Variants in MGMT observed in about 807,000 individuals in gnomAD.
The protein encoded by MGMT is O-6-methylguanine-DNA methyltransferase, also known as methylated-DNA--protein-cysteine methyltransferase.
A neutral mutation model predicts 15.9 loss-of-function variants in MGMT; 14 were observed. The observed-to-expected ratio is 0.88, with a 90% confidence interval of 0.58 to 1.37. The LOEUF (loss-of-function observed/expected upper bound fraction) is 1.37. Among genes scored for constraint, MGMT ranks in the 40% most tolerant of loss-of-function variants. The pLI is 0.00. For missense variants in MGMT, 282 were observed against 268.1 expected, an observed-to-expected ratio of 1.05 and a Z score of -0.36; for synonymous variants, 130 against 118.2, an observed-to-expected ratio of 1.10 and a Z score of -0.65.
chr10:129,613,836 A>G (rs538621145), intron 2 of MGMT, among the ~76,000 whole-genome samples: 47 of 152,224 alleles, frequency 3.1e-4, no homozygotes, highest in South Asian at 6.2e-4. Context: ...CCCCCCTCCC[A>G]CCTGCAACCT....
rs10543851 is a variant in MGMT at position 129,646,719 on chromosome 10, AATATATATATATATATATAT to A, written c.126-61159_126-61140del. Among the ~76,000 whole-genome samples the A allele has an allele frequency of 3.9e-3, 318 of 81,708 alleles. 16 individuals carry two copies. The highest frequency in any genetic ancestry group is 0.014 in the African/African-American group (301 of 21,092). The allele number at this position is 81,708 out of a possible 152,430, so 53.6% of individuals were successfully genotyped here. On this transcript the variant is annotated intron_variant, in intron 2 of 4. Coordinates refer to ENST00000651593, the MANE Select transcript of MGMT (RefSeq NM_002412.5). ...TTCCAGAAGCCTGCTGCCCATCAGA[AATATATATATATATATATAT>A]ATATATATATATATATTTTCAGGGA...
At chr10:129,575,068 C>G (rs1384673947) in intron 2 of MGMT, among the ~76,000 whole-genome samples, 2 of 152,064 alleles carry the variant, frequency 1.3e-5, no homozygotes, top group Non-Finnish European at 2.9e-5. Flanking sequence ...AGATTAGTCT[C>G]CCACACAACA....
intron 3 of MGMT, among the ~76,000 whole-genome samples, 196 bp downstream of exon 3, chr10:129,708,239 C>A (rs974768789): frequency 1.3e-5 from 2 of 152,168 alleles, no homozygotes; most frequent in Admixed American, 6.5e-5. Context: ...AGTTTTGGCA[C>A]AGGGTTGCAT....
At chr10:129,721,249 G>A (rs1435138808) in intron 3 of MGMT, among the ~76,000 whole-genome samples, 2 of 152,270 alleles carry the variant, frequency 1.3e-5, no homozygotes, top group Non-Finnish European at 2.9e-5. Context: ...AACTAATGAT[G>A]TTACAGATAT....
At position 129,533,482 on chromosome 10, in the gene MGMT, C is replaced by T. The variant is rs986889211; in HGVS notation, c.-12-2759C>T. On this transcript the variant is annotated intron_variant, in intron 1 of 4. Transcript: ENST00000651593. This position sits in a 1 kb window ranked among gnomAD's most constrained non-coding sequence, Gnocchi z 4.5. ...AAACATGGCTCCATGGAGAGCGAAA[C>T]CCAAGCTGGGCTGTTTACTGCCAGT... Among the ~76,000 whole-genome samples, 1 of 152,174 alleles carries T rather than the reference C, an allele frequency of 6.6e-6. No individual in the cohort carries two copies. Among genetic ancestry groups the T allele is most frequent in the African/African-American group, 2.4e-5 (1 of 41,442 alleles).
At chr10:129,604,783 A>G (rs1487869594) in intron 2 of MGMT, among the ~76,000 whole-genome samples, 2 of 128,020 alleles carry the variant, frequency 1.6e-5, no homozygotes, top group African/African-American at 3.0e-5. Flanking sequence ...GCCTTTTATC[A>G]TTTTCACAAT....
At chr10:129,721,605 CAT>C (rs1248919997) in intron 3 of MGMT, among the ~76,000 whole-genome samples, 4 of 152,114 alleles carry the variant, frequency 2.6e-5, no homozygotes, top group African/African-American at 9.7e-5. Flanking sequence ...AGAAGGAAAA[CAT>C]ATGACAACAA....
At position 129,537,804 on chromosome 10, in the gene MGMT, C is replaced by T. The variant is rs371504518; in HGVS notation, c.125+1427C>T. ...ATCCTGAATAGGATCTGGCTGATTG[C>T]TCTCATGAAAACACACCTGTGGACA... On this transcript the variant is annotated intron_variant, in intron 2 of 4. Coordinates refer to ENST00000651593, the MANE Select transcript of MGMT (RefSeq NM_002412.5). Among the ~76,000 whole-genome samples the T allele has an allele frequency of 5.3e-5, 8 of 152,304 alleles. No individual in the cohort carries two copies. In the East Asian group the frequency reaches 9.7e-4, roughly 18 times the overall value.
At chr10:129,560,826 G>C (rs189580050) in intron 2 of MGMT, among the ~76,000 whole-genome samples, 2 of 152,070 alleles carry the variant, frequency 1.3e-5, no homozygotes, top group Non-Finnish European at 1.5e-5. Flanking sequence ...GATTTTCTTT[G>C]TCTCTGTTGC....
intron 3 of MGMT, among the ~76,000 whole-genome samples, chr10:129,753,999 A>G (rs1481470884): frequency 1.3e-5 from 2 of 152,014 alleles, no homozygotes; most frequent in African/African-American, 4.8e-5. Context: ...TATTTGTTCA[A>G]TTTTCAAACC....
chr10:129,668,168 A>T (rs1847681074), intron 2 of MGMT, among the ~76,000 whole-genome samples: 1 of 152,156 alleles, frequency 6.6e-6, no homozygotes, highest in Admixed American at 6.5e-5. Flanking sequence ...CGTGAAGAAA[A>T]CATATTCTCC....
intron 2 of MGMT, among the ~76,000 whole-genome samples, chr10:129,635,650 T>C (rs926857835): frequency 2.0e-5 from 3 of 152,264 alleles, no homozygotes; most frequent in Non-Finnish European, 4.4e-5. Context: ...TGTGCTATTA[T>C]AGTATTTACA....
chr10:129,654,489 C>G (rs1196647145), intron 2 of MGMT, among the ~76,000 whole-genome samples: 2 of 152,160 alleles, frequency 1.3e-5, no homozygotes, highest in Non-Finnish European at 2.9e-5. Flanking sequence ...TCACATACCC[C>G]TGCTCACTCT....
At chr10:129,489,529 C>T (rs954834128) in intron 1 of MGMT, among the ~76,000 whole-genome samples, 25 of 152,152 alleles carry the variant, frequency 1.6e-4, no homozygotes, top group Admixed American at 5.9e-4. Context: ...TTTTGATTGA[C>T]GTCCTTGGGT....
chr10:129,493,614 C>T (rs1845491550), intron 1 of MGMT, among the ~76,000 whole-genome samples: 1 of 152,122 alleles, frequency 6.6e-6, no homozygotes, highest in South Asian at 2.1e-4. Flanking sequence ...TAGATATGTT[C>T]TTATCAACAT....
At chr10:129,686,945 C>T (rs1847911035) in intron 2 of MGMT, among the ~76,000 whole-genome samples, 1 of 152,050 alleles carries the variant, frequency 6.6e-6, no homozygotes, top group South Asian at 2.1e-4. Flanking sequence ...AAAAACATGA[C>T]TGACCACGAG....
At chr10:129,757,583 C>A (rs1848821933) in intron 3 of MGMT, among the ~76,000 whole-genome samples, 1 of 152,196 alleles carries the variant, frequency 6.6e-6, no homozygotes, top group Admixed American at 6.5e-5. Context: ...ACAGCTGTCC[C>A]CGAAATCTCT....
At chr10:129,693,598 G>C (rs1847995498) in intron 2 of MGMT, 1 of 152,600 alleles carries the variant, frequency 6.6e-6, no homozygotes, top group Non-Finnish European at 1.5e-5. Flanking sequence ...TAGCAGTTTG[G>C]GACCAGAGCT....
intron 2 of MGMT, among the ~76,000 whole-genome samples, chr10:129,673,414 A>G (rs1847748645): frequency 1.3e-5 from 2 of 152,206 alleles, no homozygotes; most frequent in South Asian, 4.1e-4. Flanking sequence ...AAAATTTTGT[A>G]TGTGCAAACA....
Sources: gnomAD v4.1 joint callset for allele counts (sites outside exome capture counted in the v4.1 genomes callset) on GRCh38, gnomAD v4.1.1 for gene constraint, Gnocchi (gnomAD v3.1) non-coding constraint, MANE v1.5 for transcripts, NCBI Gene and HGNC (gene_info 2026-07-23, HGNC 2026-07-21) for gene names.